NOVA1: variants seen among roughly 807,000 people sequenced by gnomAD.
The protein encoded by NOVA1 is NOVA alternative splicing regulator 1, also known as RNA-binding protein Nova-1.
A neutral mutation model predicts 38.0 loss-of-function variants in NOVA1; 7 were observed. The ratio of observed to expected loss-of-function variants is 0.18; its 90% CI spans 0.10 to 0.35. The LOEUF is 0.35. Among genes scored for constraint, NOVA1 ranks in the 10% least tolerant of loss-of-function variants. The probability of loss-of-function intolerance (pLI) is 1.00; values close to 1 mark genes in which losing one functional copy is unlikely to be tolerated. For synonymous variants in NOVA1, 270 were observed against 232.5 expected (o/e 1.16, Z -1.47); for missense variants, 460 against 616.0 (o/e 0.75, Z 2.68).
At chr14:26,477,247 C>T (rs74042407) in intron 3 of NOVA1, among the ~76,000 whole-genome samples, 2,115 of 151,974 alleles carry the variant, frequency 0.014, 41 homozygotes, top group African/African-American at 0.046. Context: ...TTTATCATGA[C>T]GACAGTAAAA....
chr14:26,493,080 T>C (rs191603616), intron 2 of NOVA1, among the ~76,000 whole-genome samples: 8 of 152,334 alleles, frequency 5.3e-5, no homozygotes, highest in Admixed American at 3.9e-4. Flanking sequence ...TTGCTAAAAA[T>C]TATTTTTGTA....
At chr14:26,572,456 C>G (rs927487243) in intron 2 of NOVA1, among the ~76,000 whole-genome samples, 4 of 152,070 alleles carry the variant, frequency 2.6e-5, no homozygotes, top group African/African-American at 4.8e-5. Context: ...TATTCATATA[C>G]GCAGTACATA....
chr14:26,575,408 A>G (rs61986556), intron 2 of NOVA1, among the ~76,000 whole-genome samples: 6,306 of 152,276 alleles, frequency 0.041, 193 homozygotes, highest in South Asian at 0.1. Flanking sequence ...ATCATCTTCC[A>G]TAAGTCAACA....
At chr14:26,470,258 C>A in intron 4 of NOVA1, 1 of 1,243,180 alleles carries the variant, frequency 8.0e-7, no homozygotes, top group East Asian at 2.8e-5. Flanking sequence ...GTCAGTATAG[C>A]AAAGCTAAAT....
chr14:26,506,163 T>C lies in NOVA1; in HGVS notation c.281-26020A>G, dbSNP rs916256294. ...TAATGCAATGTTACTTATCATGTCT[T>C]AGAAAATAAATCTCATTCTTAGGCC... On this transcript the variant is annotated intron_variant, in intron 2 of 4. Coordinates refer to ENST00000539517, the MANE Select transcript of NOVA1 (RefSeq NM_002515.3). 3.3e-5 allele frequency among the ~76,000 whole-genome samples: 5 copies of C among 152,080 alleles called. No homozygotes were observed. The East Asian group carries it at 7.8e-4, about 24-fold the overall frequency.
At position 26,444,989 on chromosome 14, in the gene NOVA1, A is replaced by C. The variant is rs1353409536; in HGVS notation, c.*2970T>G. The C allele has an allele frequency of 6.6e-6, 1 of 152,200 alleles. No homozygotes were observed. Among genetic ancestry groups the C allele is most frequent in the East Asian group, 1.9e-4 (1 of 5,188 alleles). 9.4% of individuals were successfully genotyped at this position (152,200 alleles called of 1,614,324 possible). A position where few individuals can be genotyped will look rare whatever the true frequency, so the allele number is the denominator to read the frequency against. On this transcript the variant is annotated 3_prime_UTR_variant, in exon 5 of 5. Transcript: ENST00000539517. ...GTGTCCAATCTGTATGATAAACAGC[A>C]CACTGTGTCTCAGAGCGCCCATTCA...
intron 2 of NOVA1, among the ~76,000 whole-genome samples, chr14:26,582,730 T>C (rs909859002): frequency 1.5e-4 from 23 of 151,820 alleles, no homozygotes; most frequent in African/African-American, 5.3e-4. Context: ...GCCAGATAGA[T>C]CTTATGCAGA....
intron 2 of NOVA1, among the ~76,000 whole-genome samples, chr14:26,563,847 A>G (rs1891970495): frequency 6.6e-6 from 1 of 152,144 alleles, no homozygotes; most frequent in South Asian, 2.1e-4. Flanking sequence ...GAGCGTTTTC[A>G]GAGATTTATT....
rs552856648 is a variant in NOVA1 at position 26,479,965 on chromosome 14, C to T, written c.447+12G>A. ...TGGATATTTCTCTTTGATTTCTCAA[C>T]TAAACACTCACTTGTTTGATGCGAT... On this transcript the variant is annotated intron_variant, in intron 3 of 4. Transcript: ENST00000539517. 1.3e-4 allele frequency: 206 copies of T among 1,612,576 alleles called. 1 individual carries two copies. In the South Asian group the frequency reaches 2.1e-3, roughly 17 times the overall value.
chr14:26,517,358 G>A (rs1266422004), intron 2 of NOVA1, among the ~76,000 whole-genome samples: 2 of 152,028 alleles, frequency 1.3e-5, no homozygotes, highest in Non-Finnish European at 2.9e-5. Flanking sequence ...GGCCTTTACT[G>A]ACCAATCTGC....
intron 2 of NOVA1, among the ~76,000 whole-genome samples, chr14:26,505,010 G>GAGAGTCTAGGGGT (rs61689666): frequency 1 from 152,123 of 152,142 alleles, 76,052 homozygotes; most frequent in Middle Eastern, 1. Flanking sequence ...ATTTTGTCTT[G>GAGAGTCTAGGGGT]AGCTAGCTAG....
At chr14:26,573,207 T>G (rs141823353) in intron 2 of NOVA1, among the ~76,000 whole-genome samples, 1 of 152,238 alleles carries the variant, frequency 6.6e-6, no homozygotes, top group East Asian at 1.9e-4. Flanking sequence ...TTACTAATAT[T>G]GAATGCTTTA....
Position 26,479,969 on chromosome 14 carries a change from A to T in NOVA1, c.447+8T>A. 1 of 1,612,954 alleles carries T rather than the reference A, an allele frequency of 6.2e-7. No individual in the cohort carries two copies. The highest frequency in any genetic ancestry group is 1.7e-5 in the Admixed American group (1 of 59,848). ...TATTTCTCTTTGATTTCTCAACTAA[A>T]CACTCACTTGTTTGATGCGATCTGG... On this transcript the variant is annotated splice_region_variant and intron_variant, in intron 3 of 4. Transcript: ENST00000539517.
At chr14:26,504,173 G>A (rs929122262) in intron 2 of NOVA1, among the ~76,000 whole-genome samples, 3 of 152,066 alleles carry the variant, frequency 2.0e-5, no homozygotes, top group Non-Finnish European at 1.5e-5. Context: ...TGGCTTTTCT[G>A]ATGTCAAGTA....
chr14:26,548,220 G>A (rs1409052590), intron 2 of NOVA1, among the ~76,000 whole-genome samples: 1 of 151,890 alleles, frequency 6.6e-6, no homozygotes, highest in African/African-American at 2.4e-5. Context: ...TCTTGGTAAG[G>A]TACAATTCTA....
intron 2 of NOVA1, among the ~76,000 whole-genome samples, chr14:26,542,750 A>G (rs1380627560): frequency 2.0e-5 from 3 of 149,038 alleles, no homozygotes; most frequent in Admixed American, 6.7e-5. Flanking sequence ...AAAAAAAAAA[A>G]AGTAGTAATG....
At chr14:26,597,001 G>A in intron 1 of NOVA1, 1 of 1,247,796 alleles carries the variant, frequency 8.0e-7, no homozygotes, top group Non-Finnish European at 1.0e-6. Flanking sequence ...CCCAGGTCTA[G>A]GATATTTACA....
At chr14:26,497,116 A>G (rs1445722304) in intron 2 of NOVA1, among the ~76,000 whole-genome samples, 1 of 152,190 alleles carries the variant, frequency 6.6e-6, no homozygotes, top group Non-Finnish European at 1.5e-5. Flanking sequence ...TACAAAATCA[A>G]TGTACAAAAA....
At chr14:26,529,867 ATGTG>A (rs1335424771) in intron 2 of NOVA1, among the ~76,000 whole-genome samples, 1 of 152,156 alleles carries the variant, frequency 6.6e-6, no homozygotes, top group African/African-American at 2.4e-5. Context: ...GGACCTGGAG[ATGTG>A]ATACTTTTAG....
Sources: allele counts gnomAD v4.1 joint callset (sites outside exome capture counted in the v4.1 genomes callset), GRCh38; gene constraint gnomAD v4.1.1; transcripts MANE v1.5; gene names NCBI Gene and HGNC (gene_info 2026-07-23, HGNC 2026-07-21).